The following FRYL variants were observed in gnomAD, a reference collection of about 807,000 sequenced individuals.
The protein encoded by FRYL is FRY like transcription coactivator.
FRYL carries 150 observed loss-of-function variants against 351.2 expected under a neutral mutation model. The ratio of observed to expected loss-of-function variants is 0.43; its 90% CI spans 0.37 to 0.49. The LOEUF (loss-of-function observed/expected upper bound fraction) is 0.49, where lower values mean the gene tolerates loss of function less well. Ranked by LOEUF, FRYL falls within the 20% of genes least tolerant of loss-of-function variation. FRYL has a pLI of 0.00. For missense variants in FRYL, 3,036 were observed against 3,619.3 expected, an observed-to-expected ratio of 0.84 and a Z score of 4.13; for synonymous variants, 1,153 against 1,257.1, an observed-to-expected ratio of 0.92 and a Z score of 1.75.
At chr4:48,620,503 A>C (rs139575288) in intron 6 of FRYL, 136 bp downstream of exon 6, 17 of 838,792 alleles carry the variant, frequency 2.0e-5, no homozygotes, top group Admixed American at 1.2e-4. Flanking sequence ...CTTCTCCCTT[A>C]CTACCATCTT....
At chr4:48,655,830 TTA>T (rs957648307) in intron 3 of FRYL, among the ~76,000 whole-genome samples, 4 of 143,800 alleles carry the variant, frequency 2.8e-5, no homozygotes, top group African/African-American at 1.0e-4. Flanking sequence ...AATTATATAA[TTA>T]TATATACTAT....
chr4:48,682,750 T>C (rs773624340), intron 3 of FRYL, among the ~76,000 whole-genome samples: 6 of 152,154 alleles, frequency 3.9e-5, no homozygotes, highest in Non-Finnish European at 5.9e-5. Flanking sequence ...ATGGCGATCA[T>C]TAAAAAGTCA....
At chr4:48,692,253 T>A (rs1765742248) in intron 2 of FRYL, among the ~76,000 whole-genome samples, 1 of 152,196 alleles carries the variant, frequency 6.6e-6, no homozygotes, top group Non-Finnish European at 1.5e-5. Flanking sequence ...CTAAATCGCC[T>A]TTTTGACTAG....
At chr4:48,605,059 T>C (rs754487439) in intron 11 of FRYL, among the ~76,000 whole-genome samples, 6 of 152,214 alleles carry the variant, frequency 3.9e-5, no homozygotes, top group Admixed American at 6.5e-5. Flanking sequence ...TTATACATGA[T>C]AGCCTGTTTT....
chr4:48,734,051 A>C (rs1308549918), intron 1 of FRYL, among the ~76,000 whole-genome samples: 2 of 152,182 alleles, frequency 1.3e-5, no homozygotes, highest in East Asian at 3.8e-4. Context: ...GTAGATATTA[A>C]ACCAACTACA....
At chr4:48,641,215 G>A (rs1340813244) in intron 3 of FRYL, among the ~76,000 whole-genome samples, 1 of 152,084 alleles carries the variant, frequency 6.6e-6, no homozygotes, top group Non-Finnish European at 1.5e-5. Flanking sequence ...TGCTGTGTGT[G>A]TTGAGAGGTA....
chr4:48,671,195 T>C (rs1309121127), intron 3 of FRYL, among the ~76,000 whole-genome samples: 1 of 152,204 alleles, frequency 6.6e-6, no homozygotes, highest in African/African-American at 2.4e-5. Context: ...ACTTCTCTGA[T>C]CATCAATGAT....
At chr4:48,562,420 T>C (rs1578131401) in intron 32 of FRYL, among the ~76,000 whole-genome samples, 2 of 152,232 alleles carry the variant, frequency 1.3e-5, no homozygotes, top group East Asian at 1.9e-4. Context: ...TGCCCTATTA[T>C]GAATTAGTTA....
intron 42 of FRYL, among the ~76,000 whole-genome samples, chr4:48,545,121 C>T (rs1731050067): frequency 6.6e-6 from 1 of 152,166 alleles, no homozygotes; most frequent in East Asian, 1.9e-4. Context: ...GTCAAATTCT[C>T]TCAGACGTAG....
intron 33 of FRYL, among the ~76,000 whole-genome samples, chr4:48,561,055 G>A (rs1010740077): frequency 1.3e-5 from 2 of 152,198 alleles, no homozygotes; most frequent in Non-Finnish European, 2.9e-5. Context: ...TGCTCCTATG[G>A]TTAGGGGTTT....
chr4:48,635,548 T>C (rs1407087246), intron 3 of FRYL, among the ~76,000 whole-genome samples: 1 of 152,140 alleles, frequency 6.6e-6, no homozygotes, highest in Non-Finnish European at 1.5e-5. Context: ...TGCTGGCAAA[T>C]AGTAAGCTGC....
At chr4:48,613,493 CTTTGT>C in intron 7 of FRYL, among the ~76,000 whole-genome samples, 1 of 152,186 alleles carries the variant, frequency 6.6e-6, no homozygotes, top group Non-Finnish European at 1.5e-5. Context: ...GCTATGTGCT[CTTTGT>C]TGCCACCCTA....
chr4:48,562,573 C>A (rs1437329962), intron 32 of FRYL, among the ~76,000 whole-genome samples: 1 of 152,160 alleles, frequency 6.6e-6, no homozygotes, highest in Non-Finnish European at 1.5e-5. Context: ...AAAATTTGGA[C>A]ACACATTGTT....
chr4:48,588,913 G>T (rs1339515179), intron 18 of FRYL, among the ~76,000 whole-genome samples: 1 of 152,086 alleles, frequency 6.6e-6, no homozygotes, highest in Non-Finnish European at 1.5e-5. Flanking sequence ...AGAGGAACTG[G>T]GTGAAAGCAA....
chr4:48,718,588 C>T (rs1460992273), intron 1 of FRYL, among the ~76,000 whole-genome samples: 1 of 151,422 alleles, frequency 6.6e-6, no homozygotes, highest in African/African-American at 2.4e-5. Flanking sequence ...TTCTCTCTTA[C>T]AGAGGTTGAG....
intron 1 of FRYL, among the ~76,000 whole-genome samples, chr4:48,775,481 T>C (rs1334139540): frequency 6.6e-6 from 1 of 152,214 alleles, no homozygotes; most frequent in Non-Finnish European, 1.5e-5. Context: ...CTGGGTTTTC[T>C]ATTTAGGATC....
At chr4:48,521,564 T>A (rs79754114) in intron 54 of FRYL, among the ~76,000 whole-genome samples, 1 of 152,240 alleles carries the variant, frequency 6.6e-6, no homozygotes, top group East Asian at 1.9e-4. Flanking sequence ...GTTAAGTGAA[T>A]GGGCACTAGA....
Position 48,592,082 on chromosome 4 carries a change from T to TTATATATATATATATATATACATATA in FRYL, c.1336-1253_1336-1252insTATATGTATATATATATATATATATA, listed in dbSNP as rs1743426026. On this transcript the variant is annotated intron_variant, in intron 16 of 63. Transcript: ENST00000358350. ...GGAATACGGGAAGAAAATAAAGCTC[T>TTATATATATATATATATATACATATA]TATATATATATATATATATATATAT... Among the ~76,000 whole-genome samples the TTATATATATATATATATATACATATA allele has an allele frequency of 1.7e-5, 2 of 116,206 alleles. 1 individual carries two copies. The highest frequency in any genetic ancestry group is 4.9e-4 in the East Asian group (2 of 4,092). The allele number at this position is 116,206 out of a possible 152,430, so 76.2% of individuals were successfully genotyped here. A position where few individuals can be genotyped will look rare whatever the true frequency, so the allele number is the denominator to read the frequency against.
chr4:48,653,120 C>T (rs944885186), intron 3 of FRYL, among the ~76,000 whole-genome samples: 2 of 152,192 alleles, frequency 1.3e-5, no homozygotes, highest in East Asian at 1.9e-4. Flanking sequence ...AAGAGAGTTA[C>T]GGACAGAATA....
Sources: allele counts gnomAD v4.1 joint callset (sites outside exome capture counted in the v4.1 genomes callset), GRCh38; gene constraint gnomAD v4.1.1; transcripts MANE v1.5; gene names NCBI Gene and HGNC (gene_info 2026-07-23, HGNC 2026-07-21).